Variants in COPB2 observed in about 807,000 individuals in gnomAD.
The protein encoded by COPB2 is coatomer subunit beta'.
A neutral mutation model predicts 120.8 loss-of-function variants in COPB2; 16 were observed. That is an observed-to-expected ratio of 0.13 (90% CI 0.09 to 0.20). The LOEUF (loss-of-function observed/expected upper bound fraction) is 0.20. COPB2 is among the 10% of genes least tolerant of loss of function. COPB2 has a pLI of 1.00. For missense variants in COPB2, 794 were observed against 1,076.5 expected (o/e 0.74, Z 3.67); for synonymous variants, 332 against 366.3 (o/e 0.91, Z 1.07).
chr3:139,364,721 A>T (rs979412095), intron 15 of COPB2, among the ~76,000 whole-genome samples: 5 of 152,146 alleles, frequency 3.3e-5, no homozygotes, highest in African/African-American at 9.7e-5. Context: ...TGACATTGAG[A>T]CTCCCTAATC....
upstream of COPB2, chr3:139,389,669 C>G: frequency 9.0e-7 from 1 of 1,115,650 alleles, no homozygotes; most frequent in East Asian, 2.9e-5. Context: ...GGAGCCGATT[C>G]TCGCGATAGT....
chr3:139,368,364 T>C, intron 12 of COPB2, 76 bp from the exon 13 acceptor site: 1 of 1,395,632 alleles, frequency 7.2e-7, no homozygotes, highest in Non-Finnish European at 9.7e-7. Context: ...ACTTGGTTTC[T>C]TACAACATTT....
At chr3:139,363,268 G>A (rs969003164) in intron 15 of COPB2, among the ~76,000 whole-genome samples, 2 of 152,198 alleles carry the variant, frequency 1.3e-5, no homozygotes, top group Admixed American at 6.5e-5. Flanking sequence ...GAATCAGGCC[G>A]CACAGCAGAG....
In COPB2 at chr3:139,381,517, T is replaced by C. The variant is rs553152535; in HGVS notation, c.141+1781A>G. The C allele has an allele frequency of 1.1e-3, 173 of 151,928 alleles. 1 individual carries two copies. Among genetic ancestry groups the C allele is most frequent in the African/African-American group, 4.1e-3 (170 of 41,408 alleles). 9.4% of individuals were successfully genotyped at this position (151,928 alleles called of 1,614,324 possible). A position where few individuals can be genotyped will look rare whatever the true frequency, so the allele number is the denominator to read the frequency against. ...AGTGCCTCATGCACTGGACCAACAGTGGGAAATAAGATGAGGGTAATCCTT... is the reference window on the plus strand; with the variant it reads ...AGTGCCTCATGCACTGGACCAACAGCGGGAAATAAGATGAGGGTAATCCTT... On this transcript the variant is annotated intron_variant, in intron 2 of 21. Transcript: ENST00000333188.
intron 15 of COPB2, among the ~76,000 whole-genome samples, chr3:139,366,250 T>A (rs1941513667): frequency 9.5e-6 from 1 of 105,552 alleles, no homozygotes; most frequent in South Asian, 2.8e-4. Flanking sequence ...ATTTTAATCA[T>A]TTTTTTTTAA....
intron 12 of COPB2, 151 bp downstream of exon 12, chr3:139,369,110 T>C (rs1941576766): frequency 3.8e-6 from 2 of 531,816 alleles, no homozygotes; most frequent in Non-Finnish European, 6.6e-6. Context: ...TATAAGAAGT[T>C]ATTTAAATTC....
chr3:139,372,917 C>G (rs1035231901), intron 9 of COPB2, among the ~76,000 whole-genome samples: 19 of 152,194 alleles, frequency 1.2e-4, no homozygotes, highest in African/African-American at 4.6e-4. Context: ...TCCTTGCCCT[C>G]AAAGGAGCAC....
At chr3:139,366,479 A>G in intron 15 of COPB2, 89 bp downstream of exon 15, 2 of 1,213,376 alleles carry the variant, frequency 1.6e-6, no homozygotes, top group Non-Finnish European at 2.3e-6. Flanking sequence ...TCAGTTGGCA[A>G]TTAAGAAATA....
At position 139,357,819 on chromosome 3, in the gene COPB2, T is replaced by C. The variant is rs1560010691; in HGVS notation, c.*44A>G. The C allele has an allele frequency of 9.4e-7, 1 of 1,067,868 alleles. No homozygotes were observed. The highest frequency in any genetic ancestry group is 2.8e-4 in the Middle Eastern group (1 of 3,616). 66.1% of individuals were successfully genotyped at this position (1,067,868 alleles called of 1,614,324 possible). On this transcript the variant is annotated 3_prime_UTR_variant, in exon 22 of 22. Transcript: ENST00000333188. ...GTCAGGGTAGCAATCAATACCTATA[T>C]ATAATAATGATCTGTTTAGTCAGGT...
chr3:139,389,648 TG>T (rs1454207513), upstream of COPB2: 8 of 1,295,796 alleles, frequency 6.2e-6, no homozygotes, highest in Admixed American at 2.3e-5. Flanking sequence ...CTGACTGACG[TG>T]GAACTTCCGG....
chr3:139,364,400 C>A (rs1576370859), intron 15 of COPB2, among the ~76,000 whole-genome samples: 1 of 151,936 alleles, frequency 6.6e-6, no homozygotes, highest in Non-Finnish European at 1.5e-5. Flanking sequence ...CCAGGAGATT[C>A]CAAGCACACT....
chr3:139,375,058 A>C (rs1941690175), intron 6 of COPB2, among the ~76,000 whole-genome samples: 1 of 152,214 alleles, frequency 6.6e-6, no homozygotes, highest in African/African-American at 2.4e-5. Flanking sequence ...CAAAAATATC[A>C]AAATATAAGA....
intron 1 of COPB2, chr3:139,385,470 A>C (rs1215217713): frequency 6.6e-6 from 1 of 152,204 alleles, no homozygotes; most frequent in Non-Finnish European, 1.5e-5. Context: ...TTTGGAGAAA[A>C]ATGGTAGATT....
Position 139,371,768 on chromosome 3 carries a change from C to G in COPB2, c.1160G>C (p.Ser387Thr). The change falls in exon 10 of 22, where the codon AGC becomes ACC. Residue 387 changes from serine (S) to threonine (T), a missense_variant. This residue lies in a region of COPB2 where 610 missense variants were observed against 866.7 expected (regional missense o/e 0.70). Coordinates refer to ENST00000333188, the MANE Select transcript of COPB2 (RefSeq NM_004766.3). ...TGCAAACTCCTGAGCAGATCCAAAG[C>G]TCTTGTTTCTCAATGCCATTGCTGT... The part of the protein sequence containing the change: ...IYTAMALRNK[S>T]FGSAQEFAWA... 2.5e-6 allele frequency: 4 copies of G among 1,613,968 alleles called. No individual in the cohort carries two copies. The highest frequency in any genetic ancestry group is 3.4e-6 in the Non-Finnish European group (4 of 1,179,926).
In COPB2 at chr3:139,368,215, G is replaced by A. The variant is rs200726141; in HGVS notation, c.1475C>T (p.Ser492Leu). Reference protein sequence around the residue: ...EESFFILKYLSEKVLAAQETH... With the variant: ...EESFFILKYLLEKVLAAQETH... ...TTCCTGTGCAGCCAAGACTTTTTCT[G>A]ACAGATACTTAAGGATAAAAAATGA... is the stretch of plus-strand genomic sequence containing the variant. Residue 492 changes from serine to leucine, a missense_variant, in exon 13 of 22, where the codon TCA becomes TTA. Physicochemically the swap from Ser to Leu is moderately radical, Grantham distance 145. Around this residue, in one of 3 missense-constraint regions of COPB2, gnomAD observed 610 missense variants for 866.7 expected, o/e 0.70. Coordinates refer to ENST00000333188, the MANE Select transcript of COPB2 (RefSeq NM_004766.3). The A allele has an allele frequency of 1.4e-5, 23 of 1,613,818 alleles. No individual in the cohort carries two copies. In the East Asian group the frequency reaches 5.1e-4, roughly 36 times the overall value.
In COPB2 at chr3:139,362,457, G is replaced by A. The variant is rs765306875; in HGVS notation, c.1945C>T (p.Leu649Phe). The A allele has an allele frequency of 1.1e-5, 18 of 1,612,610 alleles. No individual in the cohort carries two copies. The highest frequency in any genetic ancestry group is 3.3e-4 in the Middle Eastern group (2 of 6,074). The change falls in exon 16 of 22, where the codon CTT becomes TTT. Residue 649 changes from leucine to phenylalanine, a missense_variant. By Grantham distance (22) the Leu-to-Phe change is conservative. Coordinates refer to ENST00000333188, the MANE Select transcript of COPB2 (RefSeq NM_004766.3). ...TDPEHRFELA[L>F]QLGELKIAYQ... ...GCAATTTTTAACTCTCCAAGCTGAAGAGCAAGCTCAAAACGATGCTCAGGA... is the reference window on the plus strand; with the variant it reads ...GCAATTTTTAACTCTCCAAGCTGAAAAGCAAGCTCAAAACGATGCTCAGGA...
intron 19 of COPB2, 82 bp downstream of exon 19, chr3:139,358,916 A>T: frequency 6.4e-7 from 1 of 1,567,642 alleles, no homozygotes; most frequent in South Asian, 1.1e-5. Flanking sequence ...TTAAAAGAAG[A>T]CAGCAGTTCA....
rs1379896030 is a variant in COPB2 at position 139,375,513 on chromosome 3, G to A, written c.606C>T (p.Leu202=). The A allele has an allele frequency of 6.2e-7, 1 of 1,613,598 alleles. No individual in the cohort carries two copies. Among genetic ancestry groups the A allele is most frequent in the Non-Finnish European group, 8.5e-7 (1 of 1,179,652 alleles). ...DYYSGGDKPY[L]ISGADDRLVK... Reference sequence around the variant, plus strand: ...CAAGACGGTCATCTGCACCTGAAATGAGGTATGGCTTGTCCCCACCACTGT... The same window carrying A: ...CAAGACGGTCATCTGCACCTGAAATAAGGTATGGCTTGTCCCCACCACTGT... The change falls in exon 6 of 22, where the codon CTC becomes CTT. Residue 202 remains leucine (L), a synonymous_variant. Transcript: ENST00000333188.
intron 9 of COPB2, among the ~76,000 whole-genome samples, chr3:139,372,174 G>A (rs1941635252): frequency 1.3e-5 from 2 of 152,220 alleles, no homozygotes; most frequent in Admixed American, 6.5e-5. Flanking sequence ...TATTTGTTGA[G>A]CACCAAGATG....
Sources: allele counts gnomAD v4.1 joint callset (sites outside exome capture counted in the v4.1 genomes callset), GRCh38; gene constraint gnomAD v4.1.1; regional missense constraint gnomAD v4.1.1; transcripts MANE v1.5; gene names NCBI Gene and HGNC (gene_info 2026-07-23, HGNC 2026-07-21).